The following DMD variants were observed in gnomAD, a reference collection of about 807,000 sequenced individuals.
The protein encoded by DMD is dystrophin, also known as mutant dystrophin.
DMD carries 63 observed loss-of-function variants against 330.1 expected under a neutral mutation model. That is an observed-to-expected ratio of 0.19 (90% confidence interval 0.16 to 0.24). The LOEUF is 0.24. Ranked by LOEUF, DMD falls within the 10% of genes least tolerant of loss-of-function variation. The pLI is 1.00. For missense variants in DMD, 3,344 were observed against 2,684.1 expected (o/e 1.25, Z -5.43); for synonymous variants, 1,223 against 959.8 (o/e 1.27, Z -5.07).
Position 32,780,359 on chromosome X carries a change from AT to A in DMD, c.649+29133del, listed in dbSNP as rs769234145. On this transcript the variant is annotated intron_variant, in intron 7 of 78. Coordinates refer to ENST00000357033, the MANE Select transcript of DMD (RefSeq NM_004006.3). Reference sequence around the variant, plus strand: ...TATTGAGTTTTAGATAAAGTTTGAAATTTTATAACAGCTTATTCTGTAAGAA... The same window carrying A: ...TATTGAGTTTTAGATAAAGTTTGAAATTTATAACAGCTTATTCTGTAAGAA... Among the ~76,000 whole-genome samples, 784 of 112,334 alleles carry A rather than the reference AT, an allele frequency of 7.0e-3. 6 individuals are homozygous for A. Among genetic ancestry groups the A allele is most frequent in the Admixed American group, 0.013 (134 of 10,563 alleles).
At chrX:31,727,755 A>G (rs2086175000) in intron 52 of DMD, among the ~76,000 whole-genome samples, 1 of 112,419 alleles carries the variant, frequency 8.9e-6, no homozygotes, top group Non-Finnish European at 1.9e-5. Flanking sequence ...GCATACATCC[A>G]CATTCATTGT....
At chrX:32,211,892 C>A (rs1439080344) in intron 44 of DMD, among the ~76,000 whole-genome samples, 1 of 111,896 alleles carries the variant, frequency 8.9e-6, no homozygotes, top group Non-Finnish European at 1.9e-5. Flanking sequence ...TTTCTACTGG[C>A]AACTACAAAC....
At chrX:31,291,239 C>A (rs1343212381) in intron 62 of DMD, among the ~76,000 whole-genome samples, 1 of 109,017 alleles carries the variant, frequency 9.2e-6, no homozygotes, top group Non-Finnish European at 1.9e-5. Flanking sequence ...TTAGCCCACA[C>A]AGTTTTTTTT....
At chrX:31,750,124 G>T (rs2088373840) in intron 51 of DMD, among the ~76,000 whole-genome samples, 1 of 110,136 alleles carries the variant, frequency 9.1e-6, no homozygotes. Flanking sequence ...AGTTTCTTTT[G>T]CTGTGCAGAA....
chrX:31,784,723 G>C (rs918387668), intron 50 of DMD, among the ~76,000 whole-genome samples: 1 of 111,566 alleles, frequency 9.0e-6, no homozygotes, highest in African/African-American at 3.3e-5. Flanking sequence ...TTTATCATGA[G>C]GATAAATAAT....
intron 2 of DMD, among the ~76,000 whole-genome samples, chrX:32,910,423 A>C (rs2087121499): frequency 9.0e-6 from 1 of 110,878 alleles, no homozygotes; most frequent in Admixed American, 9.6e-5. Flanking sequence ...CCTAGAATGC[A>C]ATTTCTTTTT....
chrX:32,108,147 A>G (rs952247934), intron 44 of DMD, among the ~76,000 whole-genome samples: 2 of 111,683 alleles, frequency 1.8e-5, no homozygotes, highest in Non-Finnish European at 3.8e-5. Context: ...GCAAGATGAC[A>G]GCCAACTTTT....
chrX:32,075,301 T>C (rs2096335193), intron 44 of DMD, among the ~76,000 whole-genome samples: 1 of 111,835 alleles, frequency 8.9e-6, no homozygotes, highest in African/African-American at 3.3e-5. Flanking sequence ...TTTTTTTCAG[T>C]TGGAGAAAGC....
chrX:32,574,480 T>G (rs983078657), intron 13 of DMD, among the ~76,000 whole-genome samples: 2 of 111,991 alleles, frequency 1.8e-5, no homozygotes, highest in Non-Finnish European at 3.8e-5. Flanking sequence ...ACACACTATT[T>G]TAATATGTAA....
In DMD at chrX:32,626,475, A is replaced by G. The variant is rs988081678; in HGVS notation, c.1332-12022T>C. On this transcript the variant is annotated intron_variant, in intron 11 of 78. Transcript: ENST00000357033. ...AAGAACAAAACTCCGTCTTAAAAAA[A>G]TAGATAAAAATAACAAAACGATGGC... 7.6e-5 allele frequency among the ~76,000 whole-genome samples: 8 copies of G among 105,517 alleles called. 1 individual carries two copies. The highest frequency in any genetic ancestry group is 2.9e-4 in the Admixed American group (3 of 10,195). The allele number at this position is 105,517 out of a possible 115,157, so 91.6% of individuals were successfully genotyped here.
At chrX:32,530,972 G>A (rs1386691058) in intron 17 of DMD, among the ~76,000 whole-genome samples, 1 of 111,561 alleles carries the variant, frequency 9.0e-6, no homozygotes, top group African/African-American at 3.3e-5. Context: ...AGCTGCCTAT[G>A]TCCTTATGAT....
At chrX:32,461,703 G>GT (rs1357858647) in intron 25 of DMD, among the ~76,000 whole-genome samples, 1 of 108,615 alleles carries the variant, frequency 9.2e-6, no homozygotes, top group East Asian at 2.9e-4. Context: ...AATTGGTGAT[G>GT]TTCTTTTTAT....
chrX:31,675,625 T>G (rs765451108), intron 53 of DMD, among the ~76,000 whole-genome samples: 1 of 111,573 alleles, frequency 9.0e-6, no homozygotes, highest in East Asian at 2.8e-4. Flanking sequence ...CCTCCCAAAG[T>G]GCTGGGATTA....
intron 63 of DMD, among the ~76,000 whole-genome samples, chrX:31,239,242 C>T (rs2048015111): frequency 1.8e-5 from 2 of 111,969 alleles, no homozygotes; most frequent in African/African-American, 6.5e-5. Flanking sequence ...TCTTGCCTGA[C>T]TGCTGAGAAA....
chrX:32,230,797 TTAAAAA>T lies in DMD; in HGVS notation c.6291-13740_6291-13735del, dbSNP rs1445883790. Among the ~76,000 whole-genome samples, 320 of 111,811 alleles carry T rather than the reference TTAAAAA, an allele frequency of 2.9e-3. 3 individuals are homozygous for T. Among genetic ancestry groups the T allele is most frequent in the South Asian group, 7.5e-3 (20 of 2,680 alleles). On this transcript the variant is annotated intron_variant, in intron 43 of 78. Transcript: ENST00000357033. Reference sequence around the variant, plus strand: ...ATATTTCACAGGGTTGTTATAAGAATTAAAAATAATACAGTGAAGTTTTCTGAGCCC... The same window carrying T: ...ATATTTCACAGGGTTGTTATAAGAATTAATACAGTGAAGTTTTCTGAGCCC...
At chrX:32,977,712 G>GATAT (rs781460979) in intron 2 of DMD, among the ~76,000 whole-genome samples, 18 of 107,684 alleles carry the variant, frequency 1.7e-4, no homozygotes, top group African/African-American at 5.8e-4. Context: ...ATGTATGTGT[G>GATAT]ATATATATAT....
intron 25 of DMD, among the ~76,000 whole-genome samples, chrX:32,457,884 AGCCAC>A: frequency 9.1e-6 from 1 of 110,390 alleles, no homozygotes; most frequent in South Asian, 3.8e-4. Flanking sequence ...ATAAATTTAA[AGCCAC>A]TAATAATTAA....
chrX:32,622,556 C>T (rs1316219479), intron 11 of DMD, among the ~76,000 whole-genome samples: 3 of 111,539 alleles, frequency 2.7e-5, no homozygotes, highest in African/African-American at 9.8e-5. Flanking sequence ...GATTCAGCAA[C>T]CCTAAACCTT....
At chrX:32,070,494 G>A (rs1296127259) in intron 44 of DMD, among the ~76,000 whole-genome samples, 3 of 110,905 alleles carry the variant, frequency 2.7e-5, no homozygotes, top group African/African-American at 9.8e-5. Context: ...AATATCACTT[G>A]CAATTGTGAA....
Sources: allele counts gnomAD v4.1 joint callset (sites outside exome capture counted in the v4.1 genomes callset), GRCh38; gene constraint gnomAD v4.1.1; transcripts MANE v1.5; gene names NCBI Gene and HGNC (gene_info 2026-07-23, HGNC 2026-07-21).